Variants in ECD observed in about 807,000 individuals in gnomAD.
The protein encoded by ECD is ecdysoneless cell cycle regulator, also known as protein ecdysoneless homolog.
In ECD, 59 loss-of-function variants were observed where a neutral mutation model predicts 77.2. The observed-to-expected ratio is 0.76, with a 90% confidence interval of 0.62 to 0.95. The LOEUF (loss-of-function observed/expected upper bound fraction) is 0.95, where lower values mean the gene tolerates loss of function less well. Ranked by LOEUF, ECD falls within the 40% of genes least tolerant of loss-of-function variation. The pLI is 0.00. For synonymous variants in ECD, 233 were observed against 267.4 expected (o/e 0.87, Z 1.26); for missense variants, 704 against 763.4 (o/e 0.92, Z 0.92).
intron 7 of ECD, among the ~76,000 whole-genome samples, chr10:73,151,833 A>G (rs1171784621): frequency 6.6e-6 from 1 of 152,212 alleles, no homozygotes; most frequent in Admixed American, 6.5e-5. Flanking sequence ...GATTGCAAAT[A>G]TAACACTTTT....
chr10:73,137,840 C>T (rs1330564497), intron 12 of ECD, among the ~76,000 whole-genome samples, 163 bp downstream of exon 12: 1 of 151,908 alleles, frequency 6.6e-6, no homozygotes, highest in Non-Finnish European at 1.5e-5. Context: ...TAGGCAGCCT[C>T]TACAAAATTA....
chr10:73,162,629 G>A (rs1241424682), intron 2 of ECD, among the ~76,000 whole-genome samples: 1 of 152,174 alleles, frequency 6.6e-6, no homozygotes, highest in Non-Finnish European at 1.5e-5. Flanking sequence ...ATGTATACTT[G>A]TGATGTATAC....
At position 73,136,972 on chromosome 10, in the gene ECD, TA is replaced by T. The variant is rs1227596930; in HGVS notation, c.1490-55del. ...ACTTAGTAATTATTATTATTATTAT[TA>T]TTATTATTATTATTTAGTTACTACA... is the stretch of plus-strand genomic sequence containing the variant. On this transcript the variant is annotated intron_variant, in intron 12 of 13. Transcript: ENST00000372979. 52 of 942,532 alleles carry T rather than the reference TA, an allele frequency of 5.5e-5. 2 individuals carry two copies. The highest frequency in any genetic ancestry group is 2.7e-4 in the Admixed American group (6 of 22,512). The allele number at this position is 942,532 out of a possible 1,614,324, so 58.4% of individuals were successfully genotyped here.
At chr10:73,167,676 C>G (rs990954338) in intron 1 of ECD, among the ~76,000 whole-genome samples, 190 bp downstream of exon 1, 1 of 152,126 alleles carries the variant, frequency 6.6e-6, no homozygotes, top group African/African-American at 2.4e-5. Flanking sequence ...CGTCATCATG[C>G]AGAATTTGGT....
rs376701544 is a variant in ECD, at chr10:73,167,377, A to C, written c.-14+489T>G. On this transcript the variant is annotated intron_variant, in intron 1 of 13. Transcript: ENST00000372979. ...ATGGAGGTTGCATTGATACCTCTTA[A>C]TTTTCTAAGGGTTTTCCTTATCTCT... is the stretch of plus-strand genomic sequence containing the variant. Among the ~76,000 whole-genome samples, 122 of 152,094 alleles carry C rather than the reference A, an allele frequency of 8.0e-4. 3 individuals carry two copies. The South Asian group carries it at 0.013, about 16-fold the overall frequency.
At chr10:73,149,800 T>C (rs1843179541) in intron 7 of ECD, among the ~76,000 whole-genome samples, 1 of 152,228 alleles carries the variant, frequency 6.6e-6, no homozygotes, top group Non-Finnish European at 1.5e-5. Context: ...AATCAATTTA[T>C]ATTCCTATCA....
intron 6 of ECD, among the ~76,000 whole-genome samples, chr10:73,153,516 C>T (rs1003780398): frequency 6.6e-6 from 1 of 151,378 alleles, no homozygotes; most frequent in African/African-American, 2.4e-5. Flanking sequence ...GTGGGTGAAT[C>T]ACTTGAGGTC....
At chr10:73,152,152 TCA>T in intron 7 of ECD, 139 bp downstream of exon 7, 1 of 1,073,652 alleles carries the variant, frequency 9.3e-7, no homozygotes, top group South Asian at 1.7e-5. Context: ...TCCATTTTTT[TCA>T]TTCTAATTTG....
chr10:73,146,189 T>A (rs913804242), intron 9 of ECD, 87 bp downstream of exon 9: 1 of 647,208 alleles, frequency 1.5e-6, no homozygotes, highest in Non-Finnish European at 2.2e-6. Context: ...AAAAAATAAA[T>A]AAATAAGAAT....
At chr10:73,152,928 C>T (rs1304464692) in intron 6 of ECD, among the ~76,000 whole-genome samples, 1 of 134,148 alleles carries the variant, frequency 7.5e-6, no homozygotes, top group African/African-American at 3.2e-5. Context: ...AAAAATTTTA[C>T]CCTACTGCCT....
Position 73,156,484 on chromosome 10 carries a change from G to A in ECD, c.412-31C>T, listed in dbSNP as rs764992036. ...AACGGTACATTTCAATTTTCACAGT[G>A]GGCACTGGCAAACTGCAGGTACATA... On this transcript the variant is annotated intron_variant, in intron 4 of 13. Transcript: ENST00000372979. 1.8e-5 allele frequency: 29 copies of A among 1,609,132 alleles called. 1 individual carries two copies. The South Asian group carries it at 3.2e-4, about 18-fold the overall frequency.
chr10:73,155,595 T>A (rs911000223), intron 5 of ECD, among the ~76,000 whole-genome samples: 3 of 118,144 alleles, frequency 2.5e-5, no homozygotes, highest in Non-Finnish European at 5.1e-5. Context: ...AGGTTTCTAC[T>A]TTTTTTTTTT....
chr10:73,146,471 C>A, intron 8 of ECD, 110 bp from the exon 9 acceptor site: 3 of 572,374 alleles, frequency 5.2e-6, no homozygotes, highest in Non-Finnish European at 8.8e-6. Context: ...ACTCAGGAAT[C>A]ACGTGCCCCA....
At position 73,163,626 on chromosome 10, in the gene ECD, A is replaced by G. The variant is rs1019516772; in HGVS notation, c.205+107T>C. The G allele has an allele frequency of 7.3e-6, 8 of 1,098,574 alleles. No homozygotes were observed. The African/African-American group carries it at 1.3e-4, about 18-fold the overall frequency. The allele number at this position is 1,098,574 out of a possible 1,614,324, so 68.1% of individuals were successfully genotyped here. A position where few individuals can be genotyped will look rare whatever the true frequency, so the allele number is the denominator to read the frequency against. ...ATTACTCATCTAAAAAGTTTAGTGT[A>G]TTAATCTCTTCCTGGCAACACTGAA... On this transcript the variant is annotated intron_variant, in intron 2 of 13. Transcript: ENST00000372979.
intron 11 of ECD, among the ~76,000 whole-genome samples, chr10:73,138,987 G>C (rs1843013669): frequency 6.6e-6 from 1 of 152,082 alleles, no homozygotes; most frequent in Non-Finnish European, 1.5e-5. Context: ...TGCAGGGTGG[G>C]AGATCAGAGG....
chr10:73,154,393 C>T lies in ECD; in HGVS notation c.646G>A (p.Gly216Ser), dbSNP rs768915608. 10 of 1,613,958 alleles carry T rather than the reference C, an allele frequency of 6.2e-6. No individual in the cohort carries two copies. In the South Asian group the frequency reaches 7.7e-5, roughly 12 times the overall value. ...LHRAHCFLPA[G>S]IVAVLKQRPR... ...CGCTGCTTTAGCACTGCCACAATGC[C>T]AGCTGGAAGGAAGCAGTGTGCTCGA... Residue 216 changes from glycine to serine, a missense_variant, in exon 6 of 14, where the codon GGC (glycine) becomes AGC (serine). Transcript: ENST00000372979.
chr10:73,148,455 CTTA>C, intron 7 of ECD, 51 bp from the exon 8 acceptor site: 1 of 1,584,472 alleles, frequency 6.3e-7, no homozygotes, highest in Non-Finnish European at 8.6e-7. Context: ...TTTCCCGTAT[CTTA>C]TTATAACACA....
At chr10:73,141,285 C>A (rs1191626470) in intron 9 of ECD, 1 of 145,358 alleles carries the variant, frequency 6.9e-6, no homozygotes, top group Admixed American at 7.1e-5. Flanking sequence ...GGGCGGATCA[C>A]GAGGTCAGGA....
chr10:73,145,824 T>C (rs1032893092), intron 9 of ECD, among the ~76,000 whole-genome samples: 3 of 152,072 alleles, frequency 2.0e-5, no homozygotes, highest in African/African-American at 7.2e-5. Flanking sequence ...TTTGTATTTT[T>C]AGTAGATACG....
Sources: allele counts gnomAD v4.1 joint callset (sites outside exome capture counted in the v4.1 genomes callset), GRCh38; gene constraint gnomAD v4.1.1; transcripts MANE v1.5; gene names NCBI Gene and HGNC (gene_info 2026-07-23, HGNC 2026-07-21).